The following NRXN3 variants were observed in gnomAD, a reference collection of about 807,000 sequenced individuals.
The protein encoded by NRXN3 is neurexin 3, also known as neurexin III.
In NRXN3, 32 loss-of-function variants were observed where a neutral mutation model predicts 137.6. That is an observed-to-expected ratio of 0.23 (90% CI 0.18 to 0.31). The LOEUF (loss-of-function observed/expected upper bound fraction) is 0.31. Ranked by LOEUF, NRXN3 falls within the 10% of genes least tolerant of loss-of-function variation. The pLI is 1.00. For missense variants in NRXN3, 1,574 were observed against 2,062.5 expected (o/e 0.76, Z 4.59); for synonymous variants, 798 against 784.5 (o/e 1.02, Z -0.29).
chr14:78,991,447 A>G (rs1373279931), intron 15 of NRXN3, among the ~76,000 whole-genome samples: 1 of 152,220 alleles, frequency 6.6e-6, no homozygotes, highest in Admixed American at 6.5e-5. Flanking sequence ...TAGGTTAGAG[A>G]TGAAATTTAA....
At chr14:79,126,787 A>G (rs1596257571) in intron 15 of NRXN3, among the ~76,000 whole-genome samples, 1 of 152,260 alleles carries the variant, frequency 6.6e-6, no homozygotes, top group East Asian at 1.9e-4. Flanking sequence ...TTACAGTCCC[A>G]CCAACAGTGT....
intron 15 of NRXN3, among the ~76,000 whole-genome samples, chr14:79,238,293 A>T (rs1448286586): frequency 4.5e-5 from 2 of 44,304 alleles, no homozygotes; most frequent in Middle Eastern, 0.015. Context: ...ATAAATACTT[A>T]GATTAGTTAC....
chr14:78,596,168 T>C (rs1566844951), intron 4 of NRXN3, among the ~76,000 whole-genome samples: 1 of 152,244 alleles, frequency 6.6e-6, no homozygotes, highest in East Asian at 1.9e-4. Context: ...CTTCCTTCTA[T>C]GGCTGCCCTC....
Position 79,663,949 on chromosome 14 carries a change from G to A in NRXN3, c.3616G>A (p.Gly1206Ser). The A allele has an allele frequency of 6.2e-7, 1 of 1,613,192 alleles. No homozygotes were observed. The highest frequency in any genetic ancestry group is 8.5e-7 in the Non-Finnish European group (1 of 1,179,476). ...NWPVNEHYPT[G>S]NTDNERFQMV... ...GCCAGTGAATGAACATTATCCTACA[G>A]GTACATGTTGTTCGCTCAATGGTCC... The change falls in exon 17 of 21, where the codon GGC (glycine) becomes AGC (serine). Residue 1206 changes from glycine (G) to serine (S), a missense_variant and splice_region_variant. This residue lies in a region of NRXN3 where 133 missense variants were observed against 241.8 expected (regional missense o/e 0.55). Transcript: ENST00000335750.
chr14:79,447,160 G>T (rs1237251368), intron 15 of NRXN3, among the ~76,000 whole-genome samples: 6 of 152,146 alleles, frequency 3.9e-5, no homozygotes, highest in Non-Finnish European at 8.8e-5. Flanking sequence ...AAAATATTGA[G>T]GGACCAATTT....
At chr14:79,637,555 T>C (rs1478663428) in intron 16 of NRXN3, among the ~76,000 whole-genome samples, 1 of 152,002 alleles carries the variant, frequency 6.6e-6, no homozygotes, top group Non-Finnish European at 1.5e-5. Context: ...CCTCAATCAC[T>C]GCAGAGAAGA....
At chr14:78,971,828 G>A (rs2099442248) in intron 14 of NRXN3, among the ~76,000 whole-genome samples, 1 of 152,052 alleles carries the variant, frequency 6.6e-6, no homozygotes, top group Non-Finnish European at 1.5e-5. Context: ...TAGAGATGGG[G>A]TTTTACCATG....
chr14:79,656,663 C>T (rs1201443573), intron 16 of NRXN3, among the ~76,000 whole-genome samples: 1 of 147,240 alleles, frequency 6.8e-6, no homozygotes, highest in Non-Finnish European at 1.5e-5. Context: ...CTGTCTCGAG[C>T]TATTTATCAG....
At chr14:79,463,081 A>G (rs1019292391) in intron 15 of NRXN3, among the ~76,000 whole-genome samples, 1 of 152,182 alleles carries the variant, frequency 6.6e-6, no homozygotes, top group African/African-American at 2.4e-5. Context: ...CAAAACAACA[A>G]CAACAATAAA....
intron 15 of NRXN3, among the ~76,000 whole-genome samples, chr14:79,237,643 T>C (rs1247645866): frequency 6.6e-6 from 1 of 152,114 alleles, no homozygotes; most frequent in Non-Finnish European, 1.5e-5. Flanking sequence ...TATATCTTTA[T>C]TGAATACCTA....
chr14:79,660,238 G>A (rs777727554), intron 16 of NRXN3, among the ~76,000 whole-genome samples: 54 of 152,142 alleles, frequency 3.5e-4, no homozygotes, highest in Non-Finnish European at 6.6e-4. Flanking sequence ...CAAGGCTTCC[G>A]TGACTTCTAA....
chr14:79,854,793 G>C (rs2099399109), intron 20 of NRXN3, among the ~76,000 whole-genome samples: 1 of 152,136 alleles, frequency 6.6e-6, no homozygotes, highest in African/African-American at 2.4e-5. Context: ...TTTTCCTTCA[G>C]CAAAGGGGAA....
At chr14:79,660,958 G>A (rs1320965867) in intron 16 of NRXN3, among the ~76,000 whole-genome samples, 1 of 151,904 alleles carries the variant, frequency 6.6e-6, no homozygotes, top group Non-Finnish European at 1.5e-5. Context: ...GAGGGTCGTG[G>A]GCAGTGACAC....
chr14:78,329,625 G>A (rs777641235), intron 4 of NRXN3, among the ~76,000 whole-genome samples: 1 of 152,114 alleles, frequency 6.6e-6, no homozygotes, highest in South Asian at 2.1e-4. Context: ...ACTGCCAAAT[G>A]CCTCCCATTC....
At chr14:78,377,963 T>G (rs1008663999) in intron 4 of NRXN3, among the ~76,000 whole-genome samples, 1 of 152,120 alleles carries the variant, frequency 6.6e-6, no homozygotes, top group African/African-American at 2.4e-5. Context: ...AGCAGCAGAA[T>G]ACATATTTTT....
chr14:79,806,194 G>A (rs1356364167), intron 20 of NRXN3, among the ~76,000 whole-genome samples: 1 of 152,056 alleles, frequency 6.6e-6, no homozygotes, highest in African/African-American at 2.4e-5. Context: ...ATTGCTTTCA[G>A]ATTTTTTTCC....
At chr14:78,522,781 T>C (rs1051966048) in intron 4 of NRXN3, among the ~76,000 whole-genome samples, 1 of 152,204 alleles carries the variant, frequency 6.6e-6, no homozygotes, top group East Asian at 1.9e-4. Flanking sequence ...AGATACTCTC[T>C]TTCCACTGGG....
At chr14:78,474,718 C>T (rs73316485) in intron 4 of NRXN3, among the ~76,000 whole-genome samples, 7,759 of 152,234 alleles carry the variant, frequency 0.051, 258 homozygotes, top group African/African-American at 0.093. Context: ...AAGTTCCCTA[C>T]CATAAGGGCT....
chr14:78,919,297 C>T lies in NRXN3; in HGVS notation c.2276-37945C>T, dbSNP rs374152842. 1.1e-4 allele frequency among the ~76,000 whole-genome samples: 16 copies of T among 152,176 alleles called. No homozygotes were observed. The South Asian group carries it at 3.1e-3, about 30-fold the overall frequency. ...TTTTTCAATTTATAACAGTTTAGAC[C>T]TTTTAGGATACAGTTGTTGAAATAT... On this transcript the variant is annotated intron_variant, in intron 10 of 20. Transcript: ENST00000335750.
Sources: gnomAD v4.1 joint callset for allele counts (sites outside exome capture counted in the v4.1 genomes callset) on GRCh38, gnomAD v4.1.1 for gene constraint, gnomAD v4.1.1 regional missense constraint, MANE v1.5 for transcripts, NCBI Gene and HGNC (gene_info 2026-07-23, HGNC 2026-07-21) for gene names.